The following RBM12B variants were observed in gnomAD, a reference collection of about 807,000 sequenced individuals.
RBM12B encodes RNA binding motif protein 12B.
RBM12B carries 10 observed loss-of-function variants against 34.3 expected under a neutral mutation model. That is an observed-to-expected ratio of 0.29 (90% CI 0.18 to 0.49). The LOEUF is 0.49. Ranked by LOEUF, RBM12B falls within the 20% of genes least tolerant of loss-of-function variation. RBM12B has a pLI of 0.99. For synonymous variants in RBM12B, 477 were observed against 437.1 expected (o/e 1.09, Z -1.14); for missense variants, 1,139 against 1,262.7 (o/e 0.90, Z 1.48).
In RBM12B at chr8:93,732,696, T is replaced by C. The variant is rs558889608; in HGVS notation, c.*709A>G. 1 of 152,346 alleles carries C rather than the reference T, an allele frequency of 6.6e-6. No individual in the cohort carries two copies. Among genetic ancestry groups the C allele is most frequent in the South Asian group, 2.1e-4 (1 of 4,834 alleles). The allele number at this position is 152,346 out of a possible 1,614,324, so 9.4% of individuals were successfully genotyped here. On this transcript the variant is annotated 3_prime_UTR_variant, in exon 4 of 4. Coordinates refer to ENST00000520560, the MANE Select transcript of RBM12B (RefSeq NM_001377960.1). ...TGTCTGGTCCCTCCCATCATAAATA[T>C]GGTTTAATGAAGTTATTGAAAAACT...
In RBM12B at chr8:93,734,876, T is replaced by C; in HGVS notation, c.1535A>G (p.Asp512Gly). 6.2e-7 allele frequency: 1 copy of C among 1,614,094 alleles called. No homozygotes were observed. Among genetic ancestry groups the C allele is most frequent in the Non-Finnish European group, 8.5e-7 (1 of 1,180,024 alleles). ...TGAGTATATTGGTGGGTCTTTTGAG[T>C]CAAATAAATGGGAATGGTCACCTCG... is the stretch of plus-strand genomic sequence containing the variant. ...RERGDHSHLFDSKDPPIYSVG... is the reference protein window; with the variant it reads ...RERGDHSHLFGSKDPPIYSVG... Residue 512 changes from aspartate (D) to glycine (G), a missense_variant, in exon 4 of 4, where the codon GAC (aspartate) becomes GGC (glycine). Transcript: ENST00000520560.
At chr8:93,738,301 G>A (rs912909588) in intron 2 of RBM12B, among the ~76,000 whole-genome samples, 7 of 152,208 alleles carry the variant, frequency 4.6e-5, no homozygotes, top group African/African-American at 1.7e-4. Flanking sequence ...AAATGATGAT[G>A]TAGAAAAGTA....
rs1387100314 is a variant in RBM12B, at chr8:93,734,530, C to G, written c.1881G>C (p.Trp627Cys). 10 of 1,612,176 alleles carry G rather than the reference C, an allele frequency of 6.2e-6. No individual in the cohort carries two copies. Among genetic ancestry groups the G allele is most frequent in the Non-Finnish European group, 6.8e-6 (8 of 1,179,302 alleles). ...TGAAATCCTCCTCCAGTGGCCGCCT[C>G]CAGTCCTCCTCAAGGGGCCTCCTCC... is the stretch of plus-strand genomic sequence containing the variant. ...EDWRRPLEED[W>C]RRPLEEDFRR... Residue 627 changes from tryptophan to cysteine, a missense_variant, in exon 4 of 4, where the codon TGG becomes TGC. Around this residue, in one of 3 missense-constraint regions of RBM12B, gnomAD observed 863 missense variants for 869.5 expected, o/e 0.99. Coordinates refer to ENST00000520560, the MANE Select transcript of RBM12B (RefSeq NM_001377960.1).
chr8:93,733,607 T>G lies in RBM12B; in HGVS notation c.2804A>C (p.Lys935Thr), dbSNP rs1811866659. The G allele has an allele frequency of 6.2e-7, 1 of 1,613,872 alleles. No individual in the cohort carries two copies. The highest frequency in any genetic ancestry group is 8.5e-7 in the Non-Finnish European group (1 of 1,179,834). The change falls in exon 4 of 4, where the codon AAA (lysine) becomes ACA (threonine). Residue 935 changes from lysine to threonine, a missense_variant. Transcript: ENST00000520560. ...TPIKIMNLPF[K>T]ANVNEILDFF... ...GTCTAAAATTTCATTCACATTAGCT[T>G]TAAATGGAAGATTCATTATCTTAAT...
Position 93,733,390 on chromosome 8 carries a change from A to G in RBM12B, c.*15T>C. 6.6e-7 allele frequency: 1 copy of G among 1,506,514 alleles called. No homozygotes were observed. Among genetic ancestry groups the G allele is most frequent in the Non-Finnish European group, 8.9e-7 (1 of 1,128,622 alleles). 93.3% of individuals were successfully genotyped at this position (1,506,514 alleles called of 1,614,324 possible). On this transcript the variant is annotated 3_prime_UTR_variant, in exon 4 of 4. Transcript: ENST00000520560. Reference sequence around the variant, plus strand: ...TACTGCAAGGAAGATAACTGAATTTAGAAATGCTCTCTCTCTACAGCAAAG... The same window carrying G: ...TACTGCAAGGAAGATAACTGAATTTGGAAATGCTCTCTCTCTACAGCAAAG...
chr8:93,736,684 T>C (rs993173799), intron 3 of RBM12B, among the ~76,000 whole-genome samples: 1 of 152,194 alleles, frequency 6.6e-6, no homozygotes, highest in African/African-American at 2.4e-5. Context: ...TTCTATACAA[T>C]AGGAACATCA....
rs143130949 is a variant in RBM12B, at chr8:93,733,369, G to C, written c.*36C>G. 133 of 1,488,874 alleles carry C rather than the reference G, an allele frequency of 8.9e-5. No homozygotes were observed. The East Asian group carries it at 2.6e-3, about 30-fold the overall frequency. The allele number at this position is 1,488,874 out of a possible 1,614,324, so 92.2% of individuals were successfully genotyped here. On this transcript the variant is annotated 3_prime_UTR_variant, in exon 4 of 4. Coordinates refer to ENST00000520560, the MANE Select transcript of RBM12B (RefSeq NM_001377960.1). ...AAATGTATTTTACTCCATCAATACTGCAAGGAAGATAACTGAATTTAGAAA... is the reference window on the plus strand; with the variant it reads ...AAATGTATTTTACTCCATCAATACTCCAAGGAAGATAACTGAATTTAGAAA...
chr8:93,738,715 A>G (rs1047196223), intron 2 of RBM12B, among the ~76,000 whole-genome samples: 2 of 152,170 alleles, frequency 1.3e-5, no homozygotes, highest in African/African-American at 4.8e-5. Context: ...AGCTCACCTC[A>G]GCCTCCCACA....
Position 93,728,575 on chromosome 8 carries a change from C to T in RBM12B, c.*4830G>A, listed in dbSNP as rs1209439204. ...AGTATTTCATATTAATGTACTATAT[C>T]TACTTGAAGTTCCAATAGTACATTA... On this transcript the variant is annotated 3_prime_UTR_variant, in exon 4 of 4. Transcript: ENST00000520560. 4.4e-6 allele frequency: 1 copy of T among 229,764 alleles called. No homozygotes were observed. Among genetic ancestry groups the T allele is most frequent in the African/African-American group, 2.3e-5 (1 of 43,554 alleles). The allele number at this position is 229,764 out of a possible 1,614,324, so 14.2% of individuals were successfully genotyped here.
chr8:93,740,064 C>T (rs1472150164), intron 2 of RBM12B: 9 of 326,218 alleles, frequency 2.8e-5, no homozygotes, highest in South Asian at 1.9e-4. Flanking sequence ...TCGTAAAGCC[C>T]AAGGTCATGA....
rs1301598139 is a variant in RBM12B at position 93,735,544 on chromosome 8, T to A, written c.867A>T (p.Lys289Asn). Residue 289 changes from lysine (K) to asparagine (N), a missense_variant, in exon 4 of 4, where the codon AAA becomes AAT. Physicochemically the swap from Lys to Asn is moderately conservative, Grantham distance 94. Transcript: ENST00000520560. ...RSPLGFYVHL[K>N]NLSLSIDERD... ...TTTCGTCAATACTGAGGGACAGATT[T>A]TTTAAGTGAACATAAAATCCAAGAG... 4 of 1,614,024 alleles carry A rather than the reference T, an allele frequency of 2.5e-6. No individual in the cohort carries two copies. In the African/African-American group the frequency reaches 5.3e-5, roughly 22 times the overall value.
In RBM12B at chr8:93,733,366, A is replaced by G. The variant is rs1811857371; in HGVS notation, c.*39T>C. On this transcript the variant is annotated 3_prime_UTR_variant, in exon 4 of 4. Transcript: ENST00000520560. Reference sequence around the variant, plus strand: ...AACAAATGTATTTTACTCCATCAATACTGCAAGGAAGATAACTGAATTTAG... The same window carrying G: ...AACAAATGTATTTTACTCCATCAATGCTGCAAGGAAGATAACTGAATTTAG... 6.8e-7 allele frequency: 1 copy of G among 1,470,216 alleles called. No individual in the cohort carries two copies. Among genetic ancestry groups the G allele is most frequent in the Non-Finnish European group, 9.0e-7 (1 of 1,108,212 alleles). The allele number at this position is 1,470,216 out of a possible 1,614,324, so 91.1% of individuals were successfully genotyped here. A position where few individuals can be genotyped will look rare whatever the true frequency, so the allele number is the denominator to read the frequency against.
rs769116005 is a variant in RBM12B, at chr8:93,733,622, A to G, written c.2789T>C (p.Met930Thr). 11 of 1,614,026 alleles carry G rather than the reference A, an allele frequency of 6.8e-6. No individual in the cohort carries two copies. The East Asian group carries it at 1.1e-4, about 16-fold the overall frequency. Reference sequence around the variant, plus strand: ...CACATTAGCTTTAAATGGAAGATTCATTATCTTAATAGGAGTTACTCTACC... The same window carrying G: ...CACATTAGCTTTAAATGGAAGATTCGTTATCTTAATAGGAGTTACTCTACC... ...GSGRVTPIKI[M>T]NLPFKANVNE... Residue 930 changes from methionine (M) to threonine (T), a missense_variant, in exon 4 of 4, where the codon ATG becomes ACG. Met to Thr is a moderately conservative substitution (Grantham distance 81, BLOSUM62 -1). Coordinates refer to ENST00000520560, the MANE Select transcript of RBM12B (RefSeq NM_001377960.1).
rs758163597 is a variant in RBM12B, at chr8:93,728,332, A to T, written c.*5073T>A. On this transcript the variant is annotated 3_prime_UTR_variant, in exon 4 of 4. Coordinates refer to ENST00000520560, the MANE Select transcript of RBM12B (RefSeq NM_001377960.1). Reference sequence around the variant, plus strand: ...TTCCATTTTCATCATAAATGACTTGAAATCCACAATGACTAAATTGTAGAA... The same window carrying T: ...TTCCATTTTCATCATAAATGACTTGTAATCCACAATGACTAAATTGTAGAA... 2 of 1,368,950 alleles carry T rather than the reference A, an allele frequency of 1.5e-6. No homozygotes were observed. The highest frequency in any genetic ancestry group is 2.0e-6 in the Non-Finnish European group (2 of 979,734). The allele number at this position is 1,368,950 out of a possible 1,614,324, so 84.8% of individuals were successfully genotyped here.
Position 93,734,219 on chromosome 8 carries a change from A to C in RBM12B, c.2192T>G (p.Phe731Cys). 1.3e-6 allele frequency: 2 copies of C among 1,597,476 alleles called. No individual in the cohort carries two copies. Among genetic ancestry groups the C allele is most frequent in the Non-Finnish European group, 1.7e-6 (2 of 1,170,800 alleles). ...GAAATGCTCTGGGGGTGGCCGACGG[A>C]AATGCTCCTGAGGTGGCCTCCGGAA... ...EHFRRPPQEHFRRPPPEHFRR... is the reference protein window; with the variant it reads ...EHFRRPPQEHCRRPPPEHFRR... The change falls in exon 4 of 4, where the codon TTC (phenylalanine) becomes TGC (cysteine). Residue 731 changes from phenylalanine to cysteine, a missense_variant. Physicochemically the swap from Phe to Cys is radical, Grantham distance 205. This residue lies in a region of RBM12B where 863 missense variants were observed against 869.5 expected (regional missense o/e 0.99). Coordinates refer to ENST00000520560, the MANE Select transcript of RBM12B (RefSeq NM_001377960.1).
In RBM12B at chr8:93,733,374, GA is replaced by G; in HGVS notation, c.*30del. On this transcript the variant is annotated 3_prime_UTR_variant, in exon 4 of 4. Coordinates refer to ENST00000520560, the MANE Select transcript of RBM12B (RefSeq NM_001377960.1). ...TATTTTACTCCATCAATACTGCAAGGAAGATAACTGAATTTAGAAATGCTCT... is the reference window on the plus strand; with the variant it reads ...TATTTTACTCCATCAATACTGCAAGGAGATAACTGAATTTAGAAATGCTCT... 2 of 1,496,190 alleles carry G rather than the reference GA, an allele frequency of 1.3e-6. No homozygotes were observed. Among genetic ancestry groups the G allele is most frequent in the South Asian group, 2.9e-5 (2 of 69,060 alleles). 92.7% of individuals were successfully genotyped at this position (1,496,190 alleles called of 1,614,324 possible). A position where few individuals can be genotyped will look rare whatever the true frequency, so the allele number is the denominator to read the frequency against.
Position 93,734,661 on chromosome 8 carries a change from C to T in RBM12B, c.1750G>A (p.Glu584Lys). 1 of 1,613,414 alleles carries T rather than the reference C, an allele frequency of 6.2e-7. No individual in the cohort carries two copies. The highest frequency in any genetic ancestry group is 8.5e-7 in the Non-Finnish European group (1 of 1,179,782). ...HSPEDFRRPR[E>K]EDFRRPSEED... is the part of the protein sequence containing the mutation. ...TCAGAAGGCCGCCTGAAGTCTTCCTCCCTAGGTCGCCTGAAGTCCTCTGGG... is the reference window on the plus strand; with the variant it reads ...TCAGAAGGCCGCCTGAAGTCTTCCTTCCTAGGTCGCCTGAAGTCCTCTGGG... Residue 584 changes from glutamate (E) to lysine (K), a missense_variant, in exon 4 of 4, where the codon GAG (glutamate) becomes AAG (lysine). Physicochemically the swap from Glu to Lys is moderately conservative, Grantham distance 56 (BLOSUM62 1). Transcript: ENST00000520560.
intron 2 of RBM12B, among the ~76,000 whole-genome samples, chr8:93,738,658 T>C (rs1441835937): frequency 1.3e-5 from 2 of 152,172 alleles, no homozygotes; most frequent in Non-Finnish European, 2.9e-5. Flanking sequence ...AGCCAGGGTT[T>C]CACCATGTTG....
At position 93,728,472 on chromosome 8, in the gene RBM12B, C is replaced by A; in HGVS notation, c.*4933G>T. Reference sequence around the variant, plus strand: ...TGAAGGCTTTAAAAAATATTGCATACCAGTCATTTCAACATCCTACCTAGT... The same window carrying A: ...TGAAGGCTTTAAAAAATATTGCATAACAGTCATTTCAACATCCTACCTAGT... On this transcript the variant is annotated 3_prime_UTR_variant, in exon 4 of 4. Transcript: ENST00000520560. 1 of 473,450 alleles carries A rather than the reference C, an allele frequency of 2.1e-6. No homozygotes were observed. Among genetic ancestry groups the A allele is most frequent in the Non-Finnish European group, 3.8e-6 (1 of 266,468 alleles). The allele number at this position is 473,450 out of a possible 1,614,324, so 29.3% of individuals were successfully genotyped here. A position where few individuals can be genotyped will look rare whatever the true frequency, so the allele number is the denominator to read the frequency against.
Sources: gnomAD v4.1 joint callset for allele counts (sites outside exome capture counted in the v4.1 genomes callset) on GRCh38, gnomAD v4.1.1 for gene constraint, gnomAD v4.1.1 regional missense constraint, MANE v1.5 for transcripts, NCBI Gene and HGNC (gene_info 2026-07-23, HGNC 2026-07-21) for gene names.